Variants in DNAAF6 observed in about 807,000 individuals in gnomAD.
DNAAF6 encodes dynein axonemal assembly factor 6.
Under a neutral mutation model 13.7 loss-of-function variants are expected in DNAAF6, and 3 were observed. That is an observed-to-expected ratio of 0.22 (90% CI 0.10 to 0.56). DNAAF6 has a LOEUF of 0.56. DNAAF6 is among the 20% of genes least tolerant of loss of function. The pLI is 0.92. For synonymous variants in DNAAF6, 54 were observed against 49.2 expected (o/e 1.10, Z -0.41); for missense variants, 130 against 151.0 (o/e 0.86, Z 0.73).
chrX:107,234,221 A>T (rs1404314026), intron 5 of DNAAF6, among the ~76,000 whole-genome samples: 1 of 112,410 alleles, frequency 8.9e-6, no homozygotes, highest in Non-Finnish European at 1.9e-5. Context: ...TTTATCCATC[A>T]ATTTAAAAAC....
chrX:107,216,044 G>C (rs775066640), intron 2 of DNAAF6, among the ~76,000 whole-genome samples: 1 of 111,609 alleles, frequency 9.0e-6, no homozygotes, highest in Non-Finnish European at 1.9e-5. Flanking sequence ...ATAAACTTAT[G>C]AAGTTATGAA....
chrX:107,243,238 T>C lies in DNAAF6; in HGVS notation c.585T>C (p.Thr195=). The change falls in exon 7 of 7, where the codon ACT becomes ACC. Residue 195 remains threonine (T), a synonymous_variant. Transcript: ENST00000372453. ...CCAAAGCATTCTATATCCCAGAGAC[T>C]GAAACTCTTGAAATCACTATGACTA... The part of the protein sequence containing the change: ...TSAKAFYIPE[T]ETLEITMTMK... The C allele has an allele frequency of 1.7e-6, 2 of 1,210,335 alleles. No homozygotes were observed. Among genetic ancestry groups the C allele is most frequent in the Non-Finnish European group, 2.2e-6 (2 of 894,977 alleles).
intron 4 of DNAAF6, among the ~76,000 whole-genome samples, chrX:107,222,192 G>C (rs1928161395): frequency 9.0e-6 from 1 of 111,017 alleles, no homozygotes; most frequent in Non-Finnish European, 1.9e-5. Context: ...TTTAGCCGTG[G>C]AGATCATTCA....
In DNAAF6 at chrX:107,243,502, G is replaced by C; in HGVS notation, c.*204G>C. 1 of 426,115 alleles carries C rather than the reference G, an allele frequency of 2.3e-6. No homozygotes were observed. Among genetic ancestry groups the C allele is most frequent in the Non-Finnish European group, 3.4e-6 (1 of 291,179 alleles). The allele number at this position is 426,115 out of a possible 1,213,427, so 35.1% of individuals were successfully genotyped here. The stretch of plus-strand genomic sequence containing the variant: ...TATGTTTCCTTGGCCAGGTGCAATG[G>C]CTCATGCCTGTAATCCCAACACTTT... On this transcript the variant is annotated 3_prime_UTR_variant, in exon 7 of 7. Transcript: ENST00000372453.
chrX:107,241,683 G>A (rs1035341727), intron 6 of DNAAF6, among the ~76,000 whole-genome samples: 1 of 111,467 alleles, frequency 9.0e-6, no homozygotes, highest in South Asian at 3.7e-4. Context: ...TAAAACAGAC[G>A]ACGAAAATAT....
intron 5 of DNAAF6, among the ~76,000 whole-genome samples, chrX:107,227,370 G>A (rs748344020): frequency 8.9e-5 from 10 of 111,903 alleles, no homozygotes; most frequent in African/African-American, 1.6e-4. Flanking sequence ...GATTACAGCC[G>A]TGAGGCACCG....
rs892331252 is a variant in DNAAF6, at chrX:107,231,719, AAT to A, written c.430-7202_430-7201del. Among the ~76,000 whole-genome samples the A allele has an allele frequency of 5.4e-5, 6 of 111,696 alleles. No homozygotes were observed. In the Admixed American group the frequency reaches 5.7e-4, roughly 11 times the overall value. ...ATAAGCTGTAGGAAAATGAAAAAAA[AAT>A]TAAAGGTGATGGGTCTCTGTTTTGA... On this transcript the variant is annotated intron_variant, in intron 5 of 6. Coordinates refer to ENST00000372453, the MANE Select transcript of DNAAF6 (RefSeq NM_173494.2).
intron 6 of DNAAF6, among the ~76,000 whole-genome samples, chrX:107,242,305 C>G (rs1303187829): frequency 1.8e-5 from 2 of 112,109 alleles, no homozygotes; most frequent in African/African-American, 6.5e-5. Flanking sequence ...TTTTCAAATA[C>G]ATACTAGTTC....
intron 5 of DNAAF6, among the ~76,000 whole-genome samples, chrX:107,229,532 CCT>C (rs1928336666): frequency 9.1e-6 from 1 of 110,497 alleles, no homozygotes; most frequent in Admixed American, 9.6e-5. Flanking sequence ...AGGCATTCCT[CCT>C]CTCTTTCACT....
At chrX:107,207,851 C>G (rs975736329) in intron 1 of DNAAF6, among the ~76,000 whole-genome samples, 15 of 110,601 alleles carry the variant, frequency 1.4e-4, no homozygotes, top group African/African-American at 4.9e-4. Flanking sequence ...CCCTGGAGAT[C>G]GAGGCTGCAG....
At chrX:107,232,831 C>T (rs1928436673) in intron 5 of DNAAF6, among the ~76,000 whole-genome samples, 1 of 110,862 alleles carries the variant, frequency 9.0e-6, no homozygotes, top group African/African-American at 3.3e-5. Flanking sequence ...CAGCCTTGAT[C>T]TCCTGGACTC....
Position 107,243,464 on chromosome X carries a change from C to T in DNAAF6, c.*166C>T, listed in dbSNP as rs1008197885. 2 of 676,915 alleles carry T rather than the reference C, an allele frequency of 3.0e-6. No homozygotes were observed. Among genetic ancestry groups the T allele is most frequent in the East Asian group, 8.8e-5 (2 of 22,803 alleles). The allele number at this position is 676,915 out of a possible 1,213,427, so 55.8% of individuals were successfully genotyped here. ...TGACCATTTACAGTAATTTCTATTA[C>T]TCTGTTAGGAAATATGTTTCCTTGG... On this transcript the variant is annotated 3_prime_UTR_variant, in exon 7 of 7. Transcript: ENST00000372453.
At chrX:107,230,745 A>G (rs1170906853) in intron 5 of DNAAF6, among the ~76,000 whole-genome samples, 1 of 111,944 alleles carries the variant, frequency 8.9e-6, no homozygotes, top group Non-Finnish European at 1.9e-5. Flanking sequence ...GCACTTACAG[A>G]ACAAAATCCA....
intron 1 of DNAAF6, among the ~76,000 whole-genome samples, chrX:107,209,784 A>T (rs1268400985): frequency 8.9e-6 from 1 of 112,139 alleles, no homozygotes; most frequent in Non-Finnish European, 1.9e-5. Flanking sequence ...ATATACTTGA[A>T]TTAATAAAAT....
chrX:107,215,014 G>A (rs191183681), intron 2 of DNAAF6, among the ~76,000 whole-genome samples: 53 of 111,187 alleles, frequency 4.8e-4, no homozygotes, highest in African/African-American at 9.8e-4. Flanking sequence ...ACATTATAAC[G>A]AGGATGTTCT....
At chrX:107,229,934 G>A (rs1285363104) in intron 5 of DNAAF6, among the ~76,000 whole-genome samples, 2 of 110,789 alleles carry the variant, frequency 1.8e-5, no homozygotes, top group African/African-American at 3.3e-5. Context: ...TGATCCGCCC[G>A]CCTCGGCCTC....
rs1390894649 is a variant in DNAAF6, at chrX:107,243,202, A to C, written c.549A>C (p.Glu183Asp). 2 of 1,208,643 alleles carry C rather than the reference A, an allele frequency of 1.7e-6. No homozygotes were observed. The highest frequency in any genetic ancestry group is 5.9e-5 in the East Asian group (2 of 33,772). Residue 183 changes from glutamate (E) to aspartate (D), a missense_variant, in exon 7 of 7, where the codon GAA becomes GAC. Transcript: ENST00000372453. ...KLLITLPELVECTSAKAFYIP... is the reference protein window; with the variant it reads ...KLLITLPELVDCTSAKAFYIP... ...TGATAACTCTTCCTGAGCTGGTGGAATGTACCAGTGCCAAAGCATTCTATA... is the reference window on the plus strand; with the variant it reads ...TGATAACTCTTCCTGAGCTGGTGGACTGTACCAGTGCCAAAGCATTCTATA...
In DNAAF6 at chrX:107,218,889, T is replaced by C. The variant is rs1201277597; in HGVS notation, c.252T>C (p.Asn84=). 6 of 1,191,889 alleles carry C rather than the reference T, an allele frequency of 5.0e-6. No individual in the cohort carries two copies. Among genetic ancestry groups the C allele is most frequent in the Non-Finnish European group, 6.7e-6 (6 of 889,949 alleles). The change falls in exon 4 of 7, where the codon AAT becomes AAC. Residue 84 remains asparagine (N), a synonymous_variant. Transcript: ENST00000372453. The part of the protein sequence containing the change: ...LKVIPETSEE[N]NEDIWNSEEI... ...TCATCCCTGAAACCAGCGAGGAAAA[T>C]AATGAGGACATCTGGAATTCAGAAG...
intron 5 of DNAAF6, among the ~76,000 whole-genome samples, chrX:107,238,264 A>G (rs947712603): frequency 5.4e-5 from 6 of 111,303 alleles, no homozygotes; most frequent in African/African-American, 1.6e-4. Context: ...AACATTATGT[A>G]CATGTTTTTG....
Sources: gnomAD v4.1 joint callset for allele counts (sites outside exome capture counted in the v4.1 genomes callset) on GRCh38, gnomAD v4.1.1 for gene constraint, MANE v1.5 for transcripts, NCBI Gene and HGNC (gene_info 2026-07-23, HGNC 2026-07-21) for gene names.